ZNF329: variants seen among roughly 807,000 people sequenced by gnomAD.
The protein encoded by ZNF329 is zinc finger protein 329.
ZNF329 carries 15 observed loss-of-function variants against 26.6 expected under a neutral mutation model. The ratio of observed to expected loss-of-function variants is 0.56; its 90% CI spans 0.38 to 0.87. The LOEUF (loss-of-function observed/expected upper bound fraction) is 0.87, where lower values mean the gene tolerates loss of function less well. ZNF329 is among the 40% of genes least tolerant of loss of function. ZNF329 has a pLI of 0.00. For missense variants in ZNF329, 651 were observed against 651.9 expected (o/e 1.00, Z 0.02); for synonymous variants, 239 against 233.5 (o/e 1.02, Z -0.21).
At chr19:58,134,260 T>C (rs1009954117) in intron 3 of ZNF329, among the ~76,000 whole-genome samples, 1 of 152,214 alleles carries the variant, frequency 6.6e-6, no homozygotes, top group South Asian at 2.1e-4. Context: ...CAAATGTCCA[T>C]AGTACTGAAG....
rs570312665 is a variant in ZNF329, at chr19:58,135,194, G to A, written c.-8-5683C>T. The stretch of plus-strand genomic sequence containing the variant: ...ACTCCAGAGCACAAGCGATCCTCCT[G>A]CCTCAGCTTCATGAGTAGCTGGGAC... On this transcript the variant is annotated intron_variant, in intron 3 of 3. Coordinates refer to ENST00000598312, the MANE Select transcript of ZNF329 (RefSeq NM_024620.4). 1.7e-4 allele frequency among the ~76,000 whole-genome samples: 26 copies of A among 152,272 alleles called. No individual in the cohort carries two copies. The South Asian group carries it at 2.3e-3, about 13-fold the overall frequency.
In ZNF329 at chr19:58,126,678, G is replaced by C. The variant is rs963426648; in HGVS notation, c.*1200C>G. 2 of 151,934 alleles carry C rather than the reference G, an allele frequency of 1.3e-5. No individual in the cohort carries two copies. The highest frequency in any genetic ancestry group is 4.8e-5 in the African/African-American group (2 of 41,360). The allele number at this position is 151,934 out of a possible 1,614,324, so 9.4% of individuals were successfully genotyped here. A position where few individuals can be genotyped will look rare whatever the true frequency, so the allele number is the denominator to read the frequency against. On this transcript the variant is annotated 3_prime_UTR_variant, in exon 4 of 4. Transcript: ENST00000598312. ...TGTTTCAGTCTTTTTTTTTGAAATG[G>C]AGTCTCGCTCTGTCACCCAGGCTGG...
chr19:58,146,087 G>C (rs1355750038), intron 1 of ZNF329, among the ~76,000 whole-genome samples: 1 of 151,710 alleles, frequency 6.6e-6, no homozygotes, highest in Non-Finnish European at 1.5e-5. Context: ...CAGGATCCTG[G>C]ATTGGATCCT....
At chr19:58,152,275 A>G (rs570942034), upstream of ZNF329, among the ~76,000 whole-genome samples, 9 of 152,224 alleles carry the variant, frequency 5.9e-5, 1 homozygote, top group South Asian at 1.9e-3. Context: ...CATGCCTGTA[A>G]TTCCAACTCT....
chr19:58,131,133 G>A (rs2074933407), intron 3 of ZNF329, among the ~76,000 whole-genome samples: 1 of 151,880 alleles, frequency 6.6e-6, no homozygotes, highest in Non-Finnish European at 1.5e-5. Context: ...GTGTGTGTGT[G>A]TGTGTGTGCG....
At chr19:58,153,133 T>C (rs761949154), upstream of ZNF329, among the ~76,000 whole-genome samples, 62 of 152,104 alleles carry the variant, frequency 4.1e-4, no homozygotes, top group Non-Finnish European at 8.2e-4. Flanking sequence ...TTTTTGAGAC[T>C]GAGTCTCACT....
chr19:58,129,498 T>A lies in ZNF329; in HGVS notation c.6A>T (p.Arg2Ser), dbSNP rs1463995773. 5 of 1,590,590 alleles carry A rather than the reference T, an allele frequency of 3.1e-6. No individual in the cohort carries two copies. The highest frequency in any genetic ancestry group is 4.3e-6 in the Non-Finnish European group (5 of 1,168,252). Residue 2 changes from arginine to serine, a missense_variant, in exon 4 of 4, where the codon AGA becomes AGT. Transcript: ENST00000598312. ...GAAAATTCCGAGTCGTCATTTTCAA[T>A]CTCATATCCCAAACTGCAAAAAGAA... M[R>S]LKMTTRNFPE...
intron 3 of ZNF329, among the ~76,000 whole-genome samples, chr19:58,132,901 C>A (rs1273705686): frequency 6.6e-6 from 1 of 151,956 alleles, no homozygotes; most frequent in Admixed American, 6.6e-5. Flanking sequence ...CAAGCTCCGC[C>A]TCCCAGGTTC....
At chr19:58,133,832 C>CT in intron 3 of ZNF329, among the ~76,000 whole-genome samples, 1 of 144,178 alleles carries the variant, frequency 6.9e-6, no homozygotes, top group Non-Finnish European at 1.5e-5. Context: ...GATGTCATCT[C>CT]TTAAAAAAAA....
At chr19:58,135,050 T>C (rs1444583099) in intron 3 of ZNF329, among the ~76,000 whole-genome samples, 1 of 152,204 alleles carries the variant, frequency 6.6e-6, no homozygotes, top group East Asian at 1.9e-4. Context: ...TATCTGTTTT[T>C]TGAGGTTTTT....
rs140270905 is a variant in ZNF329, at chr19:58,128,280, G to C, written c.1224C>G (p.Phe408Leu). 1.2e-6 allele frequency: 2 copies of C among 1,611,378 alleles called. No homozygotes were observed. The highest frequency in any genetic ancestry group is 8.5e-7 in the Non-Finnish European group (1 of 1,178,534). Reference sequence around the variant, plus strand: ...GCCTGATGAGGTACGCACTCTCGATGAAAGTCTTGCCACATTCTTTACATT... The same window carrying C: ...GCCTGATGAGGTACGCACTCTCGATCAAAGTCTTGCCACATTCTTTACATT... Reference protein sequence around the residue: ...PYECKECGKTFIESAYLIRHQ... With the variant: ...PYECKECGKTLIESAYLIRHQ... Residue 408 changes from phenylalanine (F) to leucine (L), a missense_variant, in exon 4 of 4, where the codon TTC (phenylalanine) becomes TTG (leucine). Coordinates refer to ENST00000598312, the MANE Select transcript of ZNF329 (RefSeq NM_024620.4).
At chr19:58,136,214 A>T (rs1482775188) in intron 3 of ZNF329, among the ~76,000 whole-genome samples, 2 of 151,290 alleles carry the variant, frequency 1.3e-5, no homozygotes, top group Non-Finnish European at 2.9e-5. Flanking sequence ...TGGGTGACAG[A>T]GCGAGACTCC....
chr19:58,153,628 G>A (rs1299996391), upstream of ZNF329, among the ~76,000 whole-genome samples: 1 of 152,156 alleles, frequency 6.6e-6, no homozygotes, highest in Non-Finnish European at 1.5e-5. Flanking sequence ...GCCAATCCCT[G>A]TTCAGGAATT....
At chr19:58,152,578 C>T (rs910565118), upstream of ZNF329, among the ~76,000 whole-genome samples, 6 of 152,098 alleles carry the variant, frequency 3.9e-5, no homozygotes, top group Admixed American at 6.6e-5. Flanking sequence ...CAGTCGGAGA[C>T]CGGACGCGGT....
In ZNF329 at chr19:58,129,334, G is replaced by A. The variant is rs1280747036; in HGVS notation, c.170C>T (p.Pro57Leu). Residue 57 changes from proline (P) to leucine (L), a missense_variant, in exon 4 of 4, where the codon CCA becomes CTA. Physicochemically the swap from Pro to Leu is moderately conservative, Grantham distance 98. Coordinates refer to ENST00000598312, the MANE Select transcript of ZNF329 (RefSeq NM_024620.4). ...TTCACAAATTGCTTCCTGAGTCCCTGGTTTCTCCAGAGTTAAAGCTGATTG... is the reference window on the plus strand; with the variant it reads ...TTCACAAATTGCTTCCTGAGTCCCTAGTTTCTCCAGAGTTAAAGCTGATTG... ...LRQSALTLEK[P>L]GTQEAICEYP... The A allele has an allele frequency of 4.3e-6, 7 of 1,614,180 alleles. No homozygotes were observed. Among genetic ancestry groups the A allele is most frequent in the Non-Finnish European group, 5.9e-6 (7 of 1,180,032 alleles).
chr19:58,127,919 G>A lies in ZNF329; in HGVS notation c.1585C>T (p.His529Tyr), dbSNP rs966608303. Residue 529 changes from histidine to tyrosine, a missense_variant, in exon 4 of 4, where the codon CAT (histidine) becomes TAT (tyrosine). Transcript: ENST00000598312. ...TGCTCTCCCAGGTGTGCTCTTTGATGTCGAACAAGGGATGAGCTCTTTTGG... is the reference window on the plus strand; with the variant it reads ...TGCTCTCCCAGGTGTGCTCTTTGATATCGAACAAGGGATGAGCTCTTTTGG... ...MFQKSSSLVR[H>Y]QRAHLGEQPM... 2.0e-5 allele frequency: 32 copies of A among 1,609,402 alleles called. No individual in the cohort carries two copies. The highest frequency in any genetic ancestry group is 2.5e-5 in the Non-Finnish European group (30 of 1,177,634).
chr19:58,141,785 C>T (rs547783783), intron 3 of ZNF329, among the ~76,000 whole-genome samples: 174 of 151,860 alleles, frequency 1.1e-3, no homozygotes, highest in African/African-American at 4.0e-3. Flanking sequence ...CCCAGCTACT[C>T]GGAAGACTGA....
chr19:58,132,244 T>G (rs2074963571), intron 3 of ZNF329: 1 of 152,036 alleles, frequency 6.6e-6, no homozygotes, highest in South Asian at 2.1e-4. Flanking sequence ...CAGGGTACCT[T>G]AGTGGCAGCT....
chr19:58,134,804 A>G (rs1380052711), intron 3 of ZNF329, among the ~76,000 whole-genome samples: 1 of 152,110 alleles, frequency 6.6e-6, no homozygotes, highest in Non-Finnish European at 1.5e-5. Flanking sequence ...GCATGGTGGC[A>G]CATGCCTGTA....
Sources: allele counts gnomAD v4.1 joint callset (sites outside exome capture counted in the v4.1 genomes callset), GRCh38; gene constraint gnomAD v4.1.1; transcripts MANE v1.5; gene names NCBI Gene and HGNC (gene_info 2026-07-23, HGNC 2026-07-21).